SV2B: variants seen among roughly 807,000 people sequenced by gnomAD.
The protein encoded by SV2B is solute carrier family 22 member B2.
A neutral mutation model predicts 73.9 loss-of-function variants in SV2B; 41 were observed. The ratio of observed to expected loss-of-function variants is 0.56; its 90% CI spans 0.43 to 0.72. The LOEUF (loss-of-function observed/expected upper bound fraction) is 0.72. SV2B is among the 30% of genes least tolerant of loss of function. SV2B has a pLI of 0.00. For synonymous variants in SV2B, 314 were observed against 314.2 expected (o/e 1.00, Z 0.01); for missense variants, 764 against 857.8 (o/e 0.89, Z 1.37).
rs1285572109 is a variant in SV2B at position 91,110,645 on chromosome 15, C to A, written c.-392+10282C>A. Among the ~76,000 whole-genome samples the A allele has an allele frequency of 1.3e-5, 2 of 152,156 alleles. No homozygotes were observed. Among genetic ancestry groups the A allele is most frequent in the South Asian group, 2.1e-4 (1 of 4,834 alleles). On this transcript the variant is annotated intron_variant, in intron 1 of 12. Transcript: ENST00000394232. The surrounding 1 kb of genome is among the most constrained non-coding windows in gnomAD (Gnocchi z 5.4). ...AGGCTCTGCGGGAGAGGAAGAGGCA[C>A]CGTGGGGTGGCCTGCCCTAGGCAAA...
At chr15:91,215,442 A>T (rs2045992404) in intron 1 of SV2B, among the ~76,000 whole-genome samples, 1 of 152,156 alleles carries the variant, frequency 6.6e-6, no homozygotes, top group South Asian at 2.1e-4. Context: ...TGGTTTAAGG[A>T]TCACACTAGA....
At chr15:91,183,589 G>A (rs1208997124) in intron 1 of SV2B, among the ~76,000 whole-genome samples, 1 of 152,148 alleles carries the variant, frequency 6.6e-6, no homozygotes, top group Non-Finnish European at 1.5e-5. Flanking sequence ...TTATTTTCTT[G>A]TTTATAAGAT....
Position 91,220,671 on chromosome 15 carries a change from T to TG in SV2B, c.-391-5199dup, listed in dbSNP as rs1361224812. Among the ~76,000 whole-genome samples the TG allele has an allele frequency of 2.0e-5, 3 of 152,166 alleles. No homozygotes were observed. The highest frequency in any genetic ancestry group is 4.4e-5 in the Non-Finnish European group (3 of 68,034). ...GAGGATGCTTAAGAGGTTAGCAGCA[T>TG]GGGAGGTAGTTGTTTTTAGGAGTAA... On this transcript the variant is annotated intron_variant, in intron 1 of 12. Transcript: ENST00000394232. This position sits in a 1 kb window ranked among gnomAD's most constrained non-coding sequence, Gnocchi z 4.1.
At chr15:91,199,864 C>T (rs1304061021) in intron 1 of SV2B, among the ~76,000 whole-genome samples, 3 of 152,146 alleles carry the variant, frequency 2.0e-5, no homozygotes, top group Non-Finnish European at 4.4e-5. Context: ...GTTGGGGCAG[C>T]GTGGCCACCT....
rs1596431811 is a variant in SV2B at position 91,118,692 on chromosome 15, T to G, written c.-392+18329T>G. ...AGGCTGAACACTGTCTCAAGAAAAC[T>G]TTATACACAGAAGCCACCACATCAG... On this transcript the variant is annotated intron_variant, in intron 1 of 12. Coordinates refer to ENST00000394232, the MANE Select transcript of SV2B (RefSeq NM_001323032.3). This position sits in a 1 kb window ranked among gnomAD's most constrained non-coding sequence, Gnocchi z 4.7. 6.6e-6 allele frequency among the ~76,000 whole-genome samples: 1 copy of G among 152,158 alleles called. No homozygotes were observed. Among genetic ancestry groups the G allele is most frequent in the Non-Finnish European group, 1.5e-5 (1 of 68,032 alleles).
chr15:91,296,277 C>G lies in SV2B; in HGVS notation c.*3725C>G, dbSNP rs2049221226. On this transcript the variant is annotated 3_prime_UTR_variant, in exon 13 of 13. Transcript: ENST00000394232. The stretch of plus-strand genomic sequence containing the variant: ...CACATCTGGCTTTTCTAGGGGGCAT[C>G]TGTGCTAACTGACCTGGGATTATGT... 1 of 152,374 alleles carries G rather than the reference C, an allele frequency of 6.6e-6. No individual in the cohort carries two copies. The highest frequency in any genetic ancestry group is 6.5e-5 in the Admixed American group (1 of 15,306). The allele number at this position is 152,374 out of a possible 1,614,324, so 9.4% of individuals were successfully genotyped here.
At chr15:91,201,724 A>G (rs1015736528) in intron 1 of SV2B, among the ~76,000 whole-genome samples, 2 of 152,200 alleles carry the variant, frequency 1.3e-5, no homozygotes, top group African/African-American at 4.8e-5. Flanking sequence ...TTGCTATCAC[A>G]TCTTTTATCG....
intron 1 of SV2B, among the ~76,000 whole-genome samples, chr15:91,189,670 C>T (rs1293414885): frequency 2.0e-5 from 3 of 152,148 alleles, no homozygotes; most frequent in Non-Finnish European, 4.4e-5. Flanking sequence ...TAGATTTTCT[C>T]TGGAAAGGGC....
At chr15:91,126,748 G>T (rs2042495235) in intron 1 of SV2B, among the ~76,000 whole-genome samples, 1 of 152,098 alleles carries the variant, frequency 6.6e-6, no homozygotes, top group Non-Finnish European at 1.5e-5. Context: ...TGGAATAAAA[G>T]AAAAAACTTA....
In SV2B at chr15:91,302,192, T is replaced by C. The variant is rs1207094512; in HGVS notation, c.*9640T>C. 6.6e-6 allele frequency among the ~76,000 whole-genome samples: 1 copy of C among 152,206 alleles called. No individual in the cohort carries two copies. The highest frequency in any genetic ancestry group is 1.5e-5 in the Non-Finnish European group (1 of 68,042). On this transcript the variant is annotated 3_prime_UTR_variant, in exon 13 of 13. Transcript: ENST00000394232. ...TCTCAATAGATGATGAATAGACCGATGAATGAGCACATGAGTTGAATGGTG... is the reference window on the plus strand; with the variant it reads ...TCTCAATAGATGATGAATAGACCGACGAATGAGCACATGAGTTGAATGGTG...
At chr15:91,149,772 A>G (rs1293452720) in intron 1 of SV2B, among the ~76,000 whole-genome samples, 1 of 152,214 alleles carries the variant, frequency 6.6e-6, no homozygotes, top group Non-Finnish European at 1.5e-5. Flanking sequence ...ACATCAGCAT[A>G]GAACCCAGGG....
chr15:91,284,357 G>A lies in SV2B; in HGVS notation c.1708+136G>A, dbSNP rs2048790328. On this transcript the variant is annotated intron_variant, in intron 11 of 12. Coordinates refer to ENST00000394232, the MANE Select transcript of SV2B (RefSeq NM_001323032.3). The surrounding 1 kb of genome is among the most constrained non-coding windows in gnomAD (Gnocchi z 4.5). ...CCCAACAAGTAAGATTGCACCCAGG[G>A]CTATAGAGCCAAGGATGTGTGCCTA... The A allele has an allele frequency of 1.9e-5, 18 of 948,964 alleles. No homozygotes were observed. Among genetic ancestry groups the A allele is most frequent in the Non-Finnish European group, 2.6e-5 (17 of 645,482 alleles). 58.8% of individuals were successfully genotyped at this position (948,964 alleles called of 1,614,324 possible). A position where few individuals can be genotyped will look rare whatever the true frequency, so the allele number is the denominator to read the frequency against.
chr15:91,226,095 TGA>T lies in SV2B; in HGVS notation c.-164_-163del. The T allele has an allele frequency of 1.5e-6, 1 of 651,122 alleles. No individual in the cohort carries two copies. The highest frequency in any genetic ancestry group is 2.6e-6 in the Non-Finnish European group (1 of 387,360). The allele number at this position is 651,122 out of a possible 1,614,324, so 40.3% of individuals were successfully genotyped here. On this transcript the variant is annotated 5_prime_UTR_variant, in exon 2 of 13. Transcript: ENST00000394232. ...TGTCTTTGCACAAATCTGGTTGATTTGAGAGATAAAGGGGGGGGGAACCAGTG... is the reference window on the plus strand; with the variant it reads ...TGTCTTTGCACAAATCTGGTTGATTTGAGATAAAGGGGGGGGGAACCAGTG...
intron 1 of SV2B, among the ~76,000 whole-genome samples, chr15:91,186,743 A>C (rs2044785645): frequency 1.3e-5 from 2 of 152,142 alleles, no homozygotes. Flanking sequence ...AGGGGTGAGA[A>C]ATTATGTAAT....
At position 91,283,963 on chromosome 15, in the gene SV2B, C is replaced by T; in HGVS notation, c.1508-58C>T. 1 of 1,585,210 alleles carries T rather than the reference C, an allele frequency of 6.3e-7. No homozygotes were observed. The highest frequency in any genetic ancestry group is 1.1e-5 in the South Asian group (1 of 89,798). On this transcript the variant is annotated intron_variant, in intron 10 of 12. Transcript: ENST00000394232. This position sits in a 1 kb window ranked among gnomAD's most constrained non-coding sequence, Gnocchi z 4.3. ...GGGCAGACTTCATCCCTGCCTCTGCCTTTCTCTCTCCAGCTCCCTTCCACT... is the reference window on the plus strand; with the variant it reads ...GGGCAGACTTCATCCCTGCCTCTGCTTTTCTCTCTCCAGCTCCCTTCCACT...
At chr15:91,202,778 G>A (rs1664073988) in intron 1 of SV2B, among the ~76,000 whole-genome samples, 1 of 152,196 alleles carries the variant, frequency 6.6e-6, no homozygotes, top group East Asian at 1.9e-4. Context: ...AGCTGGAAAG[G>A]TTGTAGAGTT....
intron 1 of SV2B, among the ~76,000 whole-genome samples, chr15:91,196,422 G>A (rs551310587): frequency 3.0e-4 from 45 of 152,360 alleles, no homozygotes; most frequent in African/African-American, 1.0e-3. Flanking sequence ...CCAAGGCCTT[G>A]GAGAGGAAGT....
intron 1 of SV2B, among the ~76,000 whole-genome samples, chr15:91,202,752 C>T (rs1056795359): frequency 2.6e-5 from 4 of 152,160 alleles, no homozygotes; most frequent in South Asian, 2.1e-4. Context: ...AGTCTCAACA[C>T]TCCAGGGAGT....
chr15:91,192,216 A>G (rs1011879580), intron 1 of SV2B, among the ~76,000 whole-genome samples: 4 of 152,158 alleles, frequency 2.6e-5, no homozygotes, highest in Admixed American at 6.5e-5. Context: ...TTTTTGTGGC[A>G]CTGTTTGTCC....
Sources: gnomAD v4.1 joint callset for allele counts (sites outside exome capture counted in the v4.1 genomes callset) on GRCh38, gnomAD v4.1.1 for gene constraint, Gnocchi (gnomAD v3.1) non-coding constraint, MANE v1.5 for transcripts, NCBI Gene and HGNC (gene_info 2026-07-23, HGNC 2026-07-21) for gene names.